DAZAP1: variants seen among roughly 807,000 people sequenced by gnomAD.
The protein encoded by DAZAP1 is DAZ-associated protein 1.
Under a neutral mutation model 60.1 loss-of-function variants are expected in DAZAP1, and 6 were observed. That is an observed-to-expected ratio of 0.10 (90% CI 0.05 to 0.20). DAZAP1 has a LOEUF of 0.20. Ranked by LOEUF, DAZAP1 falls within the 10% of genes least tolerant of loss-of-function variation. DAZAP1 has a pLI of 1.00. For synonymous variants in DAZAP1, 235 were observed against 215.9 expected, an observed-to-expected ratio of 1.09 and a Z score of -0.78; for missense variants, 366 against 560.4, an observed-to-expected ratio of 0.65 and a Z score of 3.50.
At chr19:1,417,383 A>G (rs1727025320) in intron 1 of DAZAP1, 117 bp from the exon 2 acceptor site, 2 of 1,144,936 alleles carry the variant, frequency 1.7e-6, no homozygotes, top group African/African-American at 3.1e-5. Flanking sequence ...CACGTGCACA[A>G]GGACGTTTGC....
intron 7 of DAZAP1, chr19:1,427,402 C>T (rs997087525): frequency 6.6e-6 from 1 of 151,650 alleles, no homozygotes; most frequent in Non-Finnish European, 1.5e-5. Context: ...GCCAGACAGT[C>T]GTTGGAGTCC....
At position 1,433,424 on chromosome 19, in the gene DAZAP1, G is replaced by C. The variant is rs79139068; in HGVS notation, c.1048+734G>C. The C allele has an allele frequency of 0.053, 20,924 of 391,492 alleles. 710 individuals carry two copies. Among genetic ancestry groups the C allele is most frequent in the East Asian group, 0.091 (1,705 of 18,784 alleles). 24.3% of individuals were successfully genotyped at this position (391,492 alleles called of 1,614,324 possible). ...GTTTGAGAACATGGGGCACCTGTCTGCAGGTGGCCACGGGCTTCCGGGGTG... is the reference window on the plus strand; with the variant it reads ...GTTTGAGAACATGGGGCACCTGTCTCCAGGTGGCCACGGGCTTCCGGGGTG... On this transcript the variant is annotated intron_variant, in intron 11 of 11. Coordinates refer to ENST00000233078, the MANE Select transcript of DAZAP1 (RefSeq NM_018959.4). The surrounding 1 kb of genome is among the most constrained non-coding windows in gnomAD (Gnocchi z 6.1).
intron 9 of DAZAP1, 35 bp from the exon 10 acceptor site, chr19:1,430,187 C>A: frequency 6.3e-7 from 1 of 1,582,650 alleles, no homozygotes. Flanking sequence ...TTGTCCAGCG[C>A]TCTCTGTCCA....
intron 1 of DAZAP1, chr19:1,410,208 G>T: frequency 6.6e-6 from 1 of 152,410 alleles, no homozygotes. Context: ...GTCAGCTGAG[G>T]CCTGCCGGTG....
Position 1,418,641 on chromosome 19 carries a change from C to T in DAZAP1, c.238-25C>T. 1 of 1,613,934 alleles carries T rather than the reference C, an allele frequency of 6.2e-7. No homozygotes were observed. Among genetic ancestry groups the T allele is most frequent in the South Asian group, 1.1e-5 (1 of 91,064 alleles). ...TAGAGAAACAGCCTCTTATTCACAA[C>T]CAGCTGATTTGAAATTTCCTGCAGA... On this transcript the variant is annotated intron_variant, in intron 3 of 11. Coordinates refer to ENST00000233078, the MANE Select transcript of DAZAP1 (RefSeq NM_018959.4). The surrounding 1 kb of genome is among the most constrained non-coding windows in gnomAD (Gnocchi z 5.7).
At position 1,430,269 on chromosome 19, in the gene DAZAP1, C is replaced by CCCCCG; in HGVS notation, c.779_780insCCCGC (p.Phe262HisfsTer75). On this transcript the variant is annotated frameshift_variant, in exon 10 of 12. Coordinates refer to ENST00000233078, the MANE Select transcript of DAZAP1 (RefSeq NM_018959.4). LOFTEE classifies it high-confidence loss of function. ...AGGAAGAGGAGCCCCCCCGCCACCC[C>CCCCCG]CACCGTTCACCTCCTACATCGTGTC... 7.4e-7 allele frequency: 1 copy of CCCCCG among 1,356,196 alleles called. No individual in the cohort carries two copies. The highest frequency in any genetic ancestry group is 1.0e-6 in the Non-Finnish European group (1 of 971,284). The allele number at this position is 1,356,196 out of a possible 1,614,324, so 84.0% of individuals were successfully genotyped here.
rs1272293851 is a variant in DAZAP1, at chr19:1,423,631, C to T, written c.463+1235C>T. 6.6e-6 allele frequency among the ~76,000 whole-genome samples: 1 copy of T among 152,242 alleles called. No homozygotes were observed. The highest frequency in any genetic ancestry group is 1.5e-5 in the Non-Finnish European group (1 of 68,042). On this transcript the variant is annotated intron_variant, in intron 6 of 11. Transcript: ENST00000233078. The surrounding 1 kb of genome is among the most constrained non-coding windows in gnomAD (Gnocchi z 6.8). ...GACCCAGCGCCTCTTGCACTGTGCC[C>T]GGACCAGGCGAGCCCTGTGGTTTCA...
rs1298255243 is a variant in DAZAP1 at position 1,426,077 on chromosome 19, A to AC, written c.546+119dup. On this transcript the variant is annotated intron_variant, in intron 7 of 11. Transcript: ENST00000233078. The surrounding 1 kb of genome is among the most constrained non-coding windows in gnomAD (Gnocchi z 5.4). ...AGGGTCGGGCGAGTTCGTCCTGTGAACCTTTGCTGCGTGAGGTGGGCCTGG... is the reference window on the plus strand; with the variant it reads ...AGGGTCGGGCGAGTTCGTCCTGTGAACCCTTTGCTGCGTGAGGTGGGCCTGG... The AC allele has an allele frequency of 1.2e-4, 98 of 792,168 alleles. No homozygotes were observed. Among genetic ancestry groups the AC allele is most frequent in the Middle Eastern group, 1.1e-3 (5 of 4,384 alleles). The allele number at this position is 792,168 out of a possible 1,614,324, so 49.1% of individuals were successfully genotyped here.
At chr19:1,413,169 G>A (rs2082877598) in intron 1 of DAZAP1, among the ~76,000 whole-genome samples, 1 of 152,236 alleles carries the variant, frequency 6.6e-6, no homozygotes, top group Admixed American at 6.5e-5. Flanking sequence ...GGCTGAGCAA[G>A]CCTGGAGCTG....
In DAZAP1 at chr19:1,432,266, G is replaced by A; in HGVS notation, c.872-248G>A. 1 of 544,884 alleles carries A rather than the reference G, an allele frequency of 1.8e-6. No individual in the cohort carries two copies. The highest frequency in any genetic ancestry group is 3.3e-6 in the Non-Finnish European group (1 of 307,568). 33.8% of individuals were successfully genotyped at this position (544,884 alleles called of 1,614,324 possible). ...GGCCCACCTGGCGGCTGCTCCGTGA[G>A]GAACGAGGTGGCCCTGCTGCAGCTC... On this transcript the variant is annotated intron_variant, in intron 10 of 11. Coordinates refer to ENST00000233078, the MANE Select transcript of DAZAP1 (RefSeq NM_018959.4). The surrounding 1 kb of genome is among the most constrained non-coding windows in gnomAD (Gnocchi z 4.9).
chr19:1,422,466 G>T lies in DAZAP1; in HGVS notation c.463+70G>T. On this transcript the variant is annotated intron_variant, in intron 6 of 11. Transcript: ENST00000233078. This position sits in a 1 kb window ranked among gnomAD's most constrained non-coding sequence, Gnocchi z 4.5. Reference sequence around the variant, plus strand: ...CCTCAGATGGCAAACTATCTCACCCGCCAGGCACACACAGGTGGCGGCTGT... The same window carrying T: ...CCTCAGATGGCAAACTATCTCACCCTCCAGGCACACACAGGTGGCGGCTGT... 1 of 1,466,392 alleles carries T rather than the reference G, an allele frequency of 6.8e-7. No individual in the cohort carries two copies. The highest frequency in any genetic ancestry group is 9.5e-7 in the Non-Finnish European group (1 of 1,049,780). The allele number at this position is 1,466,392 out of a possible 1,614,324, so 90.8% of individuals were successfully genotyped here.
Position 1,422,394 on chromosome 19 carries a change from G to A in DAZAP1, c.461G>A (p.Arg154Gln). The A allele has an allele frequency of 6.2e-7, 1 of 1,613,944 alleles. No homozygotes were observed. Among genetic ancestry groups the A allele is most frequent in the Non-Finnish European group, 8.5e-7 (1 of 1,179,914 alleles). The change falls in exon 6 of 12, where the codon CGA (arginine) becomes CAA (glutamine). Residue 154 changes from arginine (R) to glutamine (Q), a missense_variant and splice_region_variant. Arg to Gln is a conservative substitution (Grantham distance 43). Around this residue, in one of 3 missense-constraint regions of DAZAP1, gnomAD observed 28 missense variants for 96.3 expected, o/e 0.29. Transcript: ENST00000233078. This position sits in a 1 kb window ranked among gnomAD's most constrained non-coding sequence, Gnocchi z 4.5. ...TATGACGCCGAGAAGCAGAGGCCCC[G>A]AGGTAAGGGCAGATCTAGTTTGACC... ...MIYDAEKQRP[R>Q]GFGFITFEDE...
At chr19:1,417,885 G>T (rs1032830530) in intron 2 of DAZAP1, among the ~76,000 whole-genome samples, 3 of 151,286 alleles carry the variant, frequency 2.0e-5, no homozygotes, top group Middle Eastern at 6.3e-3. Flanking sequence ...TAGCAAAGTC[G>T]GCGCTCCTTG....
rs2083505705 is a variant in DAZAP1 at position 1,433,398 on chromosome 19, G to A, written c.1048+708G>A. Reference sequence around the variant, plus strand: ...AGCACCAGGGGTCATTCACAAGCAGGGTTTGAGAACATGGGGCACCTGTCT... The same window carrying A: ...AGCACCAGGGGTCATTCACAAGCAGAGTTTGAGAACATGGGGCACCTGTCT... On this transcript the variant is annotated intron_variant, in intron 11 of 11. Transcript: ENST00000233078. This position sits in a 1 kb window ranked among gnomAD's most constrained non-coding sequence, Gnocchi z 6.1. 5 of 339,054 alleles carry A rather than the reference G, an allele frequency of 1.5e-5. No homozygotes were observed. In the South Asian group the frequency reaches 1.6e-4, roughly 11 times the overall value. 21.0% of individuals were successfully genotyped at this position (339,054 alleles called of 1,614,324 possible).
intron 1 of DAZAP1, among the ~76,000 whole-genome samples, chr19:1,412,566 C>T (rs984532470): frequency 6.6e-6 from 1 of 152,128 alleles, no homozygotes; most frequent in Non-Finnish European, 1.5e-5. Flanking sequence ...GGCTGCTGGC[C>T]CCGAATGGCC....
In DAZAP1 at chr19:1,433,878, G is replaced by A. The variant is rs765781167; in HGVS notation, c.1049-859G>A. On this transcript the variant is annotated intron_variant, in intron 11 of 11. Transcript: ENST00000233078. The surrounding 1 kb of genome is among the most constrained non-coding windows in gnomAD (Gnocchi z 6.1). ...TCCTCCCACCCGCCTGCACCGGGAG[G>A]TGGACGTGGCTTCCTCTGCCGTCCC... 6.4e-7 allele frequency: 1 copy of A among 1,554,180 alleles called. No individual in the cohort carries two copies. Among genetic ancestry groups the A allele is most frequent in the African/African-American group, 1.4e-5 (1 of 73,634 alleles).
chr19:1,421,777 A>C lies in DAZAP1; in HGVS notation c.414+519A>C, dbSNP rs554231884. Reference sequence around the variant, plus strand: ...GGACTCCTGCCGTGCCCCGCAGGTCACACTCCGAGCCCCGCCAGCAGGACA... The same window carrying C: ...GGACTCCTGCCGTGCCCCGCAGGTCCCACTCCGAGCCCCGCCAGCAGGACA... On this transcript the variant is annotated intron_variant, in intron 5 of 11. Coordinates refer to ENST00000233078, the MANE Select transcript of DAZAP1 (RefSeq NM_018959.4). 7.9e-5 allele frequency among the ~76,000 whole-genome samples: 12 copies of C among 152,230 alleles called. No individual in the cohort carries two copies. In the South Asian group the frequency reaches 1.7e-3, roughly 21 times the overall value.
chr19:1,429,754 A>G (rs897784067), intron 8 of DAZAP1, among the ~76,000 whole-genome samples: 1 of 152,160 alleles, frequency 6.6e-6, no homozygotes, highest in Non-Finnish European at 1.5e-5. Flanking sequence ...GGCAGGGCAC[A>G]GAGGAGAGTG....
intron 8 of DAZAP1, 98 bp from the exon 9 acceptor site, chr19:1,429,869 T>G: frequency 6.8e-7 from 1 of 1,460,494 alleles, no homozygotes; most frequent in Non-Finnish European, 9.4e-7. Flanking sequence ...GGCTCCGGGG[T>G]TGGTCCCAGC....
Sources: allele counts gnomAD v4.1 joint callset (sites outside exome capture counted in the v4.1 genomes callset), GRCh38; gene constraint gnomAD v4.1.1; regional missense constraint gnomAD v4.1.1; non-coding constraint Gnocchi (gnomAD v3.1); transcripts MANE v1.5; gene names NCBI Gene and HGNC (gene_info 2026-07-23, HGNC 2026-07-21).